RBM12: variants seen among roughly 807,000 people sequenced by gnomAD.
RBM12 encodes the protein RNA-binding protein 12.
Under a neutral mutation model 37.2 loss-of-function variants are expected in RBM12, and 24 were observed. The observed-to-expected ratio is 0.65, with a 90% CI of 0.47 to 0.91. The LOEUF is 0.91. Among genes scored for constraint, RBM12 ranks in the 40% least tolerant of loss-of-function variants. The probability of loss-of-function intolerance (pLI) is 0.00; values close to 1 mark genes in which losing one functional copy is unlikely to be tolerated. For missense variants in RBM12, 1,061 were observed against 1,183.2 expected, an observed-to-expected ratio of 0.90 and a Z score of 1.52; for synonymous variants, 420 against 425.2, an observed-to-expected ratio of 0.99 and a Z score of 0.15.
In RBM12 at chr20:35,652,702, T is replaced by C. The variant is rs1441120401; in HGVS notation, c.2621A>G (p.Asp874Gly). 6.2e-7 allele frequency: 1 copy of C among 1,614,044 alleles called. No homozygotes were observed. The highest frequency in any genetic ancestry group is 1.7e-5 in the Admixed American group (1 of 60,018). Residue 874 changes from aspartate to glycine, a missense_variant, in exon 3 of 3, where the codon GAT becomes GGT. Coordinates refer to ENST00000374114, the MANE Select transcript of RBM12 (RefSeq NM_006047.6). ...PFTVSIDEIL[D>G]FFYGYQVIPG... The stretch of plus-strand genomic sequence containing the variant: ...GATTACTTGATAGCCATAAAAGAAA[T>C]CTAAAATCTCATCAATAGACACAGT...
chr20:35,660,767 T>C (rs1182402189), intron 1 of RBM12, among the ~76,000 whole-genome samples: 4 of 152,136 alleles, frequency 2.6e-5, no homozygotes, highest in Non-Finnish European at 1.5e-5. Context: ...ATTCAAAAGG[T>C]CAGGTATGGG....
intron 2 of RBM12, among the ~76,000 whole-genome samples, chr20:35,658,721 C>A (rs1047285902): frequency 2.6e-5 from 4 of 151,968 alleles, no homozygotes; most frequent in African/African-American, 7.3e-5. Context: ...GATGGCACCA[C>A]TGCACTCCAG....
intron 2 of RBM12, 55 bp from the exon 3 acceptor site, chr20:35,655,399 T>G (rs2033836426): frequency 7.0e-7 from 1 of 1,423,850 alleles, no homozygotes; most frequent in African/African-American, 1.4e-5. Flanking sequence ...CACACCAAGT[T>G]TTTAGCTACA....
At chr20:35,660,692 A>G (rs114806375) in intron 1 of RBM12, among the ~76,000 whole-genome samples, 8 of 152,372 alleles carry the variant, frequency 5.3e-5, no homozygotes, top group Admixed American at 1.3e-4. Context: ...CAGCAGCCAC[A>G]TAACAGGGTA....
intron 1 of RBM12, among the ~76,000 whole-genome samples, chr20:35,662,535 C>T (rs1020366663): frequency 2.0e-5 from 3 of 152,192 alleles, no homozygotes; most frequent in Admixed American, 6.5e-5. Flanking sequence ...TAAAAGTGGA[C>T]ATCATCAGTC....
rs1160130608 is a variant in RBM12 at position 35,653,636 on chromosome 20, AC to A, written c.1686del (p.Gln562HisfsTer3). The A allele has an allele frequency of 6.2e-7, 1 of 1,614,204 alleles. No homozygotes were observed. Among genetic ancestry groups the A allele is most frequent in the Non-Finnish European group, 8.5e-7 (1 of 1,180,046 alleles). The part of the protein sequence containing the change: ...PFSITKMDVL[Q>X]FLEGIPVDEN... ...TCATCCACTGGGATTCCTTCTAGGAACTGAAGAACATCCATCTTTGTAATGC... is the reference window on the plus strand; with the variant it reads ...TCATCCACTGGGATTCCTTCTAGGAATGAAGAACATCCATCTTTGTAATGC... On this transcript the variant is annotated frameshift_variant, in exon 3 of 3. Transcript: ENST00000374114. LOFTEE classifies it high-confidence loss of function.
chr20:35,664,732 A>G (rs2295355), intron 1 of RBM12, 28 bp downstream of exon 1: 39,458 of 152,030 alleles, frequency 0.26, 5,938 homozygotes, highest in African/African-American at 0.43. Flanking sequence ...GCACAGCCCC[A>G]CCCGTTCAGG....
Position 35,651,248 on chromosome 20 carries a change from T to C in RBM12, c.*1276A>G, listed in dbSNP as rs1341747972. ...GAGCCTTGTAAGGCAAGTGTTTTCA[T>C]GACAAGGACACTTACCAACCAGAAC... On this transcript the variant is annotated 3_prime_UTR_variant, in exon 3 of 3. Transcript: ENST00000374114. The C allele has an allele frequency of 6.6e-6, 1 of 152,266 alleles. No individual in the cohort carries two copies. Among genetic ancestry groups the C allele is most frequent in the Non-Finnish European group, 1.5e-5 (1 of 68,040 alleles). 9.4% of individuals were successfully genotyped at this position (152,266 alleles called of 1,614,324 possible). A position where few individuals can be genotyped will look rare whatever the true frequency, so the allele number is the denominator to read the frequency against.
chr20:35,656,187 TAA>T (rs2033886840), intron 2 of RBM12, among the ~76,000 whole-genome samples: 1 of 152,200 alleles, frequency 6.6e-6, no homozygotes, highest in Non-Finnish European at 1.5e-5. Flanking sequence ...TAAAATTTTT[TAA>T]AGTATTATTT....
At chr20:35,657,789 G>A (rs542970401) in intron 2 of RBM12, among the ~76,000 whole-genome samples, 2 of 152,210 alleles carry the variant, frequency 1.3e-5, no homozygotes, top group African/African-American at 4.8e-5. Context: ...AGCCAGGTGC[G>A]GTGGCTCACA....
rs1363747435 is a variant in RBM12, at chr20:35,653,566, C to G, written c.1757G>C (p.Gly586Ala). 10 of 1,614,084 alleles carry G rather than the reference C, an allele frequency of 6.2e-6. No homozygotes were observed. Among genetic ancestry groups the G allele is most frequent in the Non-Finnish European group, 8.5e-6 (10 of 1,180,036 alleles). ...VLVDNNGQGL[G>A]QALVQFKNED... is the part of the protein sequence containing the mutation. Reference sequence around the variant, plus strand: ...ATTTTTAAACTGAACCAATGCCTGTCCTAGACCTTGCCCATTGTTATCAAC... The same window carrying G: ...ATTTTTAAACTGAACCAATGCCTGTGCTAGACCTTGCCCATTGTTATCAAC... Residue 586 changes from glycine (G) to alanine (A), a missense_variant, in exon 3 of 3, where the codon GGA becomes GCA. This residue lies in a region of RBM12 where 517 missense variants were observed against 534.0 expected (regional missense o/e 0.97). Coordinates refer to ENST00000374114, the MANE Select transcript of RBM12 (RefSeq NM_006047.6).
intron 1 of RBM12, among the ~76,000 whole-genome samples, chr20:35,662,576 A>T (rs986814316): frequency 2.0e-5 from 3 of 152,246 alleles, no homozygotes; most frequent in Non-Finnish European, 2.9e-5. Flanking sequence ...ATCTAAAAGC[A>T]TCTTTTGTGC....
intron 1 of RBM12, among the ~76,000 whole-genome samples, chr20:35,660,144 C>T (rs6060541): frequency 0.26 from 39,409 of 152,170 alleles, 5,926 homozygotes; most frequent in African/African-American, 0.43. Flanking sequence ...ATGTAATCAA[C>T]ACAATCAAAA....
At position 35,651,497 on chromosome 20, in the gene RBM12, T is replaced by C. The variant is rs1310764749; in HGVS notation, c.*1027A>G. ...CGGATCTTTTATTCTATACTACTAC[T>C]GCTAACAAAGATAATTTCAACTTCA... is the stretch of plus-strand genomic sequence containing the variant. On this transcript the variant is annotated 3_prime_UTR_variant, in exon 3 of 3. Coordinates refer to ENST00000374114, the MANE Select transcript of RBM12 (RefSeq NM_006047.6). 1 of 152,238 alleles carries C rather than the reference T, an allele frequency of 6.6e-6. No individual in the cohort carries two copies. The highest frequency in any genetic ancestry group is 2.4e-5 in the African/African-American group (1 of 41,454). 9.4% of individuals were successfully genotyped at this position (152,238 alleles called of 1,614,324 possible).
chr20:35,658,802 A>AACACACACACAC (rs10542710), intron 2 of RBM12, 128 bp downstream of exon 2: 92 of 473,572 alleles, frequency 1.9e-4, no homozygotes, highest in African/African-American at 1.7e-3. Context: ...AGCAAACAAA[A>AACACACACACAC]ACACACACAC....
chr20:35,658,846 T>C (rs887693332), intron 2 of RBM12, 84 bp downstream of exon 2: 2 of 667,754 alleles, frequency 3.0e-6, no homozygotes, highest in African/African-American at 1.9e-5. Context: ...CACAATATAG[T>C]TGCTACATAT....
At chr20:35,662,040 A>C (rs1281383119) in intron 1 of RBM12, among the ~76,000 whole-genome samples, 1 of 152,188 alleles carries the variant, frequency 6.6e-6, no homozygotes, top group Admixed American at 6.5e-5. Flanking sequence ...TTTGTTCCCC[A>C]TTCCCAAATG....
rs370939252 is a variant in RBM12, at chr20:35,657,487, T to C, written c.-23+1443A>G. Among the ~76,000 whole-genome samples, 62 of 152,174 alleles carry C rather than the reference T, an allele frequency of 4.1e-4. 3 individuals are homozygous for C. In the South Asian group the frequency reaches 0.012, roughly 31 times the overall value. On this transcript the variant is annotated intron_variant, in intron 2 of 2. Coordinates refer to ENST00000374114, the MANE Select transcript of RBM12 (RefSeq NM_006047.6). Reference sequence around the variant, plus strand: ...ACTTGAGAGAGAGAGAGAGACTAGTTTGCACTGGGACAATCAAACAGAAAC... The same window carrying C: ...ACTTGAGAGAGAGAGAGAGACTAGTCTGCACTGGGACAATCAAACAGAAAC...
Position 35,650,868 on chromosome 20 carries a change from TA to T in RBM12, c.*1655del, listed in dbSNP as rs2033459258. The T allele has an allele frequency of 6.6e-6, 1 of 152,612 alleles. No homozygotes were observed. The highest frequency in any genetic ancestry group is 1.5e-5 in the Non-Finnish European group (1 of 68,018). The allele number at this position is 152,612 out of a possible 1,614,324, so 9.5% of individuals were successfully genotyped here. The stretch of plus-strand genomic sequence containing the variant: ...ATAGTTTAATAGGAAATACTTATTT[TA>T]AAAGACTGACCCCTTTGTAACTACG... On this transcript the variant is annotated 3_prime_UTR_variant, in exon 3 of 3. Coordinates refer to ENST00000374114, the MANE Select transcript of RBM12 (RefSeq NM_006047.6).
Sources: allele counts gnomAD v4.1 joint callset (sites outside exome capture counted in the v4.1 genomes callset), GRCh38; gene constraint gnomAD v4.1.1; regional missense constraint gnomAD v4.1.1; transcripts MANE v1.5; gene names NCBI Gene and HGNC (gene_info 2026-07-23, HGNC 2026-07-21).